The following TPGS2 variants were observed in gnomAD, a reference collection of about 807,000 sequenced individuals.
TPGS2 encodes the protein polyglutamylase subunit 2.
A neutral mutation model predicts 31.1 loss-of-function variants in TPGS2; 26 were observed. That is an observed-to-expected ratio of 0.84 (90% CI 0.61 to 1.16). The LOEUF (loss-of-function observed/expected upper bound fraction) is 1.16, where lower values mean the gene tolerates loss of function less well. Among genes scored for constraint, TPGS2 ranks in the 50% most tolerant of loss-of-function variants. The pLI, the probability that TPGS2 is intolerant of heterozygous loss-of-function variation, is 0.00. For missense variants in TPGS2, 351 were observed against 363.8 expected, an observed-to-expected ratio of 0.96 and a Z score of 0.29; for synonymous variants, 130 against 136.6, an observed-to-expected ratio of 0.95 and a Z score of 0.34.
At chr18:36,818,485 A>G (rs2045757890) in intron 2 of TPGS2, 1 of 154,750 alleles carries the variant, frequency 6.5e-6, no homozygotes, top group Non-Finnish European at 1.4e-5. Flanking sequence ...GAAGCTTAAA[A>G]CTTTTATTGA....
At chr18:36,816,767 C>A (rs778498097) in intron 2 of TPGS2, among the ~76,000 whole-genome samples, 1 of 152,148 alleles carries the variant, frequency 6.6e-6, no homozygotes, top group Non-Finnish European at 1.5e-5. Context: ...CACCATCACG[C>A]CCGGCTAATT....
rs1600741129 is a variant in TPGS2, at chr18:36,796,029, C to T, written c.*776G>A. 2 of 985,400 alleles carry T rather than the reference C, an allele frequency of 2.0e-6. No homozygotes were observed. Among genetic ancestry groups the T allele is most frequent in the Non-Finnish European group, 2.4e-6 (2 of 829,912 alleles). The allele number at this position is 985,400 out of a possible 1,614,324, so 61.0% of individuals were successfully genotyped here. A position where few individuals can be genotyped will look rare whatever the true frequency, so the allele number is the denominator to read the frequency against. The stretch of plus-strand genomic sequence containing the variant: ...AAGATAATTGTGGAACGTGTACAAA[C>T]ATCATAACACAAAACTGGAAGCAAG... On this transcript the variant is annotated 3_prime_UTR_variant, in exon 7 of 7. Coordinates refer to ENST00000334295, the MANE Select transcript of TPGS2 (RefSeq NM_015476.4).
In TPGS2 at chr18:36,796,467, T is replaced by C; in HGVS notation, c.*338A>G. 9.4e-7 allele frequency: 1 copy of C among 1,069,432 alleles called. No homozygotes were observed. Among genetic ancestry groups the C allele is most frequent in the Middle Eastern group, 4.2e-4 (1 of 2,364 alleles). 66.2% of individuals were successfully genotyped at this position (1,069,432 alleles called of 1,614,324 possible). A position where few individuals can be genotyped will look rare whatever the true frequency, so the allele number is the denominator to read the frequency against. On this transcript the variant is annotated 3_prime_UTR_variant, in exon 7 of 7. Coordinates refer to ENST00000334295, the MANE Select transcript of TPGS2 (RefSeq NM_015476.4). ...CAATGCAGTTCTAATGCTTCATGGG[T>C]CAAAACCAGTGGTTTCTTTGGGGGA... is the stretch of plus-strand genomic sequence containing the variant.
chr18:36,813,955 A>AGT (rs1207208853), intron 2 of TPGS2, among the ~76,000 whole-genome samples: 1 of 152,172 alleles, frequency 6.6e-6, no homozygotes, highest in Admixed American at 6.5e-5. Flanking sequence ...ATAAATTCAC[A>AGT]GTGGGGCGTG....
chr18:36,796,265 G>A lies in TPGS2; in HGVS notation c.*540C>T, dbSNP rs1013967556. 2.0e-6 allele frequency: 2 copies of A among 985,354 alleles called. No individual in the cohort carries two copies. Among genetic ancestry groups the A allele is most frequent in the Admixed American group, 6.1e-5 (1 of 16,276 alleles). 61.0% of individuals were successfully genotyped at this position (985,354 alleles called of 1,614,324 possible). A position where few individuals can be genotyped will look rare whatever the true frequency, so the allele number is the denominator to read the frequency against. Reference sequence around the variant, plus strand: ...AGCAGTATGAAAATATTCTAATGCAGTGCTGTCCAACAGAACTTTCTGTGG... The same window carrying A: ...AGCAGTATGAAAATATTCTAATGCAATGCTGTCCAACAGAACTTTCTGTGG... On this transcript the variant is annotated 3_prime_UTR_variant, in exon 7 of 7. Transcript: ENST00000334295.
rs745721648 is a variant in TPGS2 at position 36,795,471 on chromosome 18, G to T, written c.*1334C>A. On this transcript the variant is annotated 3_prime_UTR_variant, in exon 7 of 7. Transcript: ENST00000334295. ...AGTACAAAAACTGCAGCCACCCAAA[G>T]AACTTGGGGCTAGGTGGGTGACTCC... 83 of 985,316 alleles carry T rather than the reference G, an allele frequency of 8.4e-5. No homozygotes were observed. Among genetic ancestry groups the T allele is most frequent in the Admixed American group, 1.2e-4 (2 of 16,270 alleles). 61.0% of individuals were successfully genotyped at this position (985,316 alleles called of 1,614,324 possible). A position where few individuals can be genotyped will look rare whatever the true frequency, so the allele number is the denominator to read the frequency against.
chr18:36,780,323 T>C (rs560120485), downstream of TPGS2: 7 of 661,454 alleles, frequency 1.1e-5, no homozygotes, highest in African/African-American at 1.3e-4. Flanking sequence ...CTGTGTGGTT[T>C]GTTTTGCCCC....
intron 1 of TPGS2, among the ~76,000 whole-genome samples, chr18:36,819,898 A>T (rs2045822452): frequency 6.6e-6 from 1 of 152,202 alleles, no homozygotes; most frequent in Non-Finnish European, 1.5e-5. Context: ...CCCTCCTCAT[A>T]AAAAGAACAA....
chr18:36,780,221 C>T (rs2043971928), downstream of TPGS2: 3 of 1,228,910 alleles, frequency 2.4e-6, no homozygotes, highest in Non-Finnish European at 1.0e-6. Flanking sequence ...GTAACATCAA[C>T]AGTGTGCTCT....
intron 4 of TPGS2, 37 bp downstream of exon 4, chr18:36,805,337 G>A (rs2045062603): frequency 4.3e-6 from 7 of 1,609,844 alleles, no homozygotes; most frequent in Middle Eastern, 1.7e-4. Context: ...GGAGCTGGAT[G>A]CTGGAAACAA....
At chr18:36,802,165 A>C (rs1349867964) in intron 4 of TPGS2, among the ~76,000 whole-genome samples, 1 of 152,248 alleles carries the variant, frequency 6.6e-6, no homozygotes, top group African/African-American at 2.4e-5. Flanking sequence ...TTGTTGCTCC[A>C]GGTGGGTAGA....
intron 1 of TPGS2, 71 bp downstream of exon 1, chr18:36,828,612 C>A (rs557185856): frequency 1.3e-6 from 2 of 1,557,228 alleles, no homozygotes; most frequent in Non-Finnish European, 1.8e-6. Flanking sequence ...ACCGCTCACC[C>A]CGCACCTCAT....
At chr18:36,806,893 C>A (rs747366026) in intron 3 of TPGS2, among the ~76,000 whole-genome samples, 79 of 141,074 alleles carry the variant, frequency 5.6e-4, no homozygotes, top group Admixed American at 1.0e-3. Flanking sequence ...TACCTCTGAC[C>A]AGCAGTGCAA....
chr18:36,798,176 C>T, intron 6 of TPGS2: 1 of 1,263,128 alleles, frequency 7.9e-7, no homozygotes, highest in Non-Finnish European at 1.0e-6. Flanking sequence ...CAGAACAAGT[C>T]ATGGGACATA....
chr18:36,805,583 C>A, intron 3 of TPGS2, 81 bp from the exon 4 acceptor site: 5 of 1,581,820 alleles, frequency 3.2e-6, no homozygotes, highest in African/African-American at 1.3e-5. Context: ...GCTTGAATAA[C>A]CTAAGCCCAG....
At chr18:36,823,457 C>CTTTTTTTTTTTTTTTTTT (rs1193182256) in intron 1 of TPGS2, among the ~76,000 whole-genome samples, 1 of 107,084 alleles carries the variant, frequency 9.3e-6, no homozygotes, top group Non-Finnish European at 1.8e-5. Context: ...TTGTTAACAG[C>CTTTTTTTTTTTTTTTTTT]TTGTTTTTTT....
chr18:36,784,314 T>G (rs547272839), intron 6 of TPGS2, among the ~76,000 whole-genome samples: 102 of 152,226 alleles, frequency 6.7e-4, no homozygotes, highest in Non-Finnish European at 1.2e-3. Flanking sequence ...AAAAGGAGAG[T>G]CATGGTCCTT....
chr18:36,816,781 G>A (rs1256788072), intron 2 of TPGS2, among the ~76,000 whole-genome samples: 1 of 152,110 alleles, frequency 6.6e-6, no homozygotes, highest in Non-Finnish European at 1.5e-5. Context: ...GCTAATTTTT[G>A]TATTTTTAGT....
downstream of TPGS2, among the ~76,000 whole-genome samples, chr18:36,790,891 G>C (rs1014458079): frequency 6.6e-6 from 1 of 152,136 alleles, no homozygotes; most frequent in African/African-American, 2.4e-5. Context: ...ATACTAAGTA[G>C]CAATGGATTT....
Sources: allele counts gnomAD v4.1 joint callset (sites outside exome capture counted in the v4.1 genomes callset), GRCh38; gene constraint gnomAD v4.1.1; transcripts MANE v1.5; gene names NCBI Gene and HGNC (gene_info 2026-07-23, HGNC 2026-07-21).